The following CNTN1 variants were observed in gnomAD, a reference collection of about 807,000 sequenced individuals.
CNTN1 encodes contactin 1, also known as contactin-1.
A neutral mutation model predicts 126.4 loss-of-function variants in CNTN1; 38 were observed. The observed-to-expected ratio is 0.30, with a 90% CI of 0.23 to 0.39. The LOEUF is 0.39. Among genes scored for constraint, CNTN1 ranks in the 10% least tolerant of loss-of-function variants. The probability of loss-of-function intolerance (pLI) is 1.00; values close to 1 mark genes in which losing one functional copy is unlikely to be tolerated. For missense variants in CNTN1, 1,009 were observed against 1,248.4 expected (o/e 0.81, Z 2.89); for synonymous variants, 413 against 422.6 (o/e 0.98, Z 0.28).
chr12:40,806,139 T>C (rs1436663748), intron 1 of CNTN1, among the ~76,000 whole-genome samples: 1 of 152,084 alleles, frequency 6.6e-6, no homozygotes, highest in African/African-American at 2.4e-5. Context: ...CTCTCTATTC[T>C]GCTCTAATCT....
In CNTN1 at chr12:40,834,826, A is replaced by T. The variant is rs555992252; in HGVS notation, c.-76-73531A>T. ...ATAAATAAGATGATGATCATCTTCT[A>T]TAGAAGGAAAATTTTAGTATAAAAT... On this transcript the variant is annotated intron_variant, in intron 1 of 23. Transcript: ENST00000551295. 4.6e-5 allele frequency among the ~76,000 whole-genome samples: 7 copies of T among 152,294 alleles called. No individual in the cohort carries two copies. The East Asian group carries it at 1.4e-3, about 29-fold the overall frequency.
At position 40,737,357 on chromosome 12, in the gene CNTN1, G is replaced by GTATATATATATATA. The variant is rs773215644; in HGVS notation, c.-77+44766_-77+44767insATATATATATATAT. Among the ~76,000 whole-genome samples the GTATATATATATATA allele has an allele frequency of 6.1e-3, 636 of 104,996 alleles. 6 individuals are homozygous for GTATATATATATATA. Among genetic ancestry groups the GTATATATATATATA allele is most frequent in the East Asian group, 0.013 (45 of 3,472 alleles). The allele number at this position is 104,996 out of a possible 152,430, so 68.9% of individuals were successfully genotyped here. ...TGTGTGTGTGTGTATATATGTGTGT[G>GTATATATATATATA]TGTATATATATATATATATATATAT... On this transcript the variant is annotated intron_variant, in intron 1 of 23. Coordinates refer to ENST00000551295, the MANE Select transcript of CNTN1 (RefSeq NM_001843.4).
chr12:41,036,504 GT>G (rs1949269636), intron 23 of CNTN1, among the ~76,000 whole-genome samples: 1 of 152,088 alleles, frequency 6.6e-6, no homozygotes, highest in South Asian at 2.1e-4. Flanking sequence ...TTCTAAATCA[GT>G]TTCATGGTAT....
intron 15 of CNTN1, among the ~76,000 whole-genome samples, chr12:40,966,331 G>C (rs1947308339): frequency 6.6e-6 from 1 of 151,798 alleles, no homozygotes; most frequent in Non-Finnish European, 1.5e-5. Flanking sequence ...AATGACAACT[G>C]GGCGCCATTC....
intron 1 of CNTN1, among the ~76,000 whole-genome samples, chr12:40,841,438 C>T (rs1276985290): frequency 2.0e-5 from 3 of 151,942 alleles, no homozygotes; most frequent in Non-Finnish European, 2.9e-5. Context: ...TTTATGAGGC[C>T]AGCATCAACC....
At chr12:41,061,851 A>G (rs1327341730) in intron 23 of CNTN1, 2 of 455,496 alleles carry the variant, frequency 4.4e-6, no homozygotes, top group East Asian at 7.0e-5. Context: ...CTCTGTTGCT[A>G]AAGTTATATA....
chr12:40,891,449 T>C (rs1330889203), intron 1 of CNTN1, among the ~76,000 whole-genome samples: 2 of 152,176 alleles, frequency 1.3e-5, no homozygotes, highest in African/African-American at 4.8e-5. Flanking sequence ...CCCCTATTGC[T>C]ATACCAAAGA....
At chr12:41,068,771 A>T (rs1420919669) in intron 23 of CNTN1, among the ~76,000 whole-genome samples, 1 of 152,196 alleles carries the variant, frequency 6.6e-6, no homozygotes, top group Non-Finnish European at 1.5e-5. Context: ...GAAAACTGTT[A>T]TATTAGTAAG....
chr12:40,945,634 G>T (rs1374157781), intron 14 of CNTN1, among the ~76,000 whole-genome samples: 1 of 150,904 alleles, frequency 6.6e-6, no homozygotes, highest in Non-Finnish European at 1.5e-5. Context: ...TAATTACATT[G>T]TGCTGGTACA....
chr12:40,760,525 C>T (rs981647853), intron 1 of CNTN1, among the ~76,000 whole-genome samples: 2 of 151,814 alleles, frequency 1.3e-5, no homozygotes, highest in African/African-American at 4.8e-5. Context: ...TAGGCGTGTG[C>T]AAATTATTGT....
chr12:40,930,626 T>C (rs1184118507), intron 7 of CNTN1, among the ~76,000 whole-genome samples: 1 of 151,936 alleles, frequency 6.6e-6, no homozygotes, highest in Non-Finnish European at 1.5e-5. Flanking sequence ...CACAGTATAC[T>C]TGCTTACTTT....
At chr12:41,035,434 T>C (rs1277618328) in intron 23 of CNTN1, among the ~76,000 whole-genome samples, 1 of 152,194 alleles carries the variant, frequency 6.6e-6, no homozygotes, top group Non-Finnish European at 1.5e-5. Context: ...ATTCATTCAA[T>C]AAGTGTCTAA....
In CNTN1 at chr12:40,899,681, C is replaced by T. The variant is rs117420761; in HGVS notation, c.-76-8676C>T. Among the ~76,000 whole-genome samples the T allele has an allele frequency of 1.1e-3, 168 of 152,220 alleles. No homozygotes were observed. In the Middle Eastern group the frequency reaches 0.014, roughly 12 times the overall value. On this transcript the variant is annotated intron_variant, in intron 1 of 23. Transcript: ENST00000551295. ...CAACCTTCACTTAACATACTTACTA[C>T]GACAATCCTTGAACTTTAGTATGCC...
intron 1 of CNTN1, among the ~76,000 whole-genome samples, chr12:40,796,116 A>G (rs1238874074): frequency 1.3e-5 from 2 of 152,094 alleles, no homozygotes; most frequent in African/African-American, 4.8e-5. Context: ...GCTTTTAAAT[A>G]TTCATAAAGA....
At position 40,933,575 on chromosome 12, in the gene CNTN1, A is replaced by C; in HGVS notation, c.803+15A>C. ...GCACTTGGAAAGTAAGTATACTGAC[A>C]CTTTTATTAATATATATAGAAATAG... On this transcript the variant is annotated intron_variant, in intron 8 of 23. Transcript: ENST00000551295. 1 of 1,560,236 alleles carries C rather than the reference A, an allele frequency of 6.4e-7. No homozygotes were observed.
intron 3 of CNTN1, among the ~76,000 whole-genome samples, chr12:40,916,989 G>C (rs1945267810): frequency 7.5e-6 from 1 of 132,810 alleles, no homozygotes; most frequent in African/African-American, 2.9e-5. Context: ...CAAGAATGAG[G>C]CAGCTCCCTT....
intron 1 of CNTN1, among the ~76,000 whole-genome samples, chr12:40,782,858 A>C (rs1473701862): frequency 6.6e-6 from 1 of 151,982 alleles, no homozygotes; most frequent in Non-Finnish European, 1.5e-5. Flanking sequence ...TAGTTTTTCC[A>C]AGGTATAAAA....
chr12:40,712,965 C>T (rs533625378), intron 1 of CNTN1, among the ~76,000 whole-genome samples: 1 of 152,022 alleles, frequency 6.6e-6, no homozygotes, highest in African/African-American at 2.4e-5. Context: ...CCCATGAGAG[C>T]TGGTTGTTAA....
intron 1 of CNTN1, among the ~76,000 whole-genome samples, chr12:40,828,595 G>T (rs1204487187): frequency 6.6e-6 from 1 of 152,118 alleles, no homozygotes; most frequent in Non-Finnish European, 1.5e-5. Flanking sequence ...ATCAATAAGT[G>T]GAAATTACCT....
Sources: allele counts gnomAD v4.1 joint callset (sites outside exome capture counted in the v4.1 genomes callset), GRCh38; gene constraint gnomAD v4.1.1; transcripts MANE v1.5; gene names NCBI Gene and HGNC (gene_info 2026-07-23, HGNC 2026-07-21).